Variants in NIPA2 observed in about 807,000 individuals in gnomAD.
NIPA2 encodes NIPA magnesium transporter 2, also known as magnesium transporter NIPA2.
NIPA2 carries 11 observed loss-of-function variants against 29.7 expected under a neutral mutation model. The observed-to-expected ratio is 0.37, with a 90% CI of 0.23 to 0.61. The LOEUF is 0.61. Ranked by LOEUF, NIPA2 falls within the 20% of genes least tolerant of loss-of-function variation. NIPA2 has a pLI of 0.66. For missense variants in NIPA2, 426 were observed against 437.9 expected (o/e 0.97, Z 0.24); for synonymous variants, 183 against 161.9 (o/e 1.13, Z -0.99).
rs1236487494 is a variant in NIPA2, at chr15:22,851,536, GC to G, written c.-93-102del. The G allele has an allele frequency of 2.1e-4, 78 of 369,482 alleles. 1 individual carries two copies. Among genetic ancestry groups the G allele is most frequent in the African/African-American group, 1.6e-3 (76 of 48,032 alleles). 22.9% of individuals were successfully genotyped at this position (369,482 alleles called of 1,614,324 possible). ...TATTATCAATATTAGTAATGAAGGA[GC>G]TATTTTTTCTTTAGGGGAAGAGAAA... On this transcript the variant is annotated intron_variant, in intron 3 of 7. Coordinates refer to ENST00000337451, the MANE Select transcript of NIPA2 (RefSeq NM_030922.7).
rs532308546 is a variant in NIPA2 at position 22,845,692 on chromosome 15, G to A, written c.-94+425G>A. On this transcript the variant is annotated intron_variant, in intron 3 of 7. Transcript: ENST00000337451. ...AGCAGGCTTTGGGTTGCAGGAGGAG[G>A]AGGAGGGGAGGGCCTGTCTGAGGGT... Among the ~76,000 whole-genome samples the A allele has an allele frequency of 3.3e-5, 5 of 152,214 alleles. No homozygotes were observed. The South Asian group carries it at 1.0e-3, about 32-fold the overall frequency.
intron 3 of NIPA2, among the ~76,000 whole-genome samples, chr15:22,848,216 C>T (rs1157559201): frequency 6.6e-6 from 1 of 152,076 alleles, no homozygotes; most frequent in Non-Finnish European, 1.5e-5. Flanking sequence ...CGGTTTCTCA[C>T]TCCCATTTTC....
chr15:22,866,901 C>T lies in NIPA2; in HGVS notation c.*54C>T. On this transcript the variant is annotated 3_prime_UTR_variant, in exon 8 of 8. Coordinates refer to ENST00000337451, the MANE Select transcript of NIPA2 (RefSeq NM_030922.7). ...ATTGTTATGAAGTGAATTTGAATAT[C>T]ATCAGAATGTGTCTGAAAAAACATT... 1 of 1,437,792 alleles carries T rather than the reference C, an allele frequency of 7.0e-7. No homozygotes were observed. The highest frequency in any genetic ancestry group is 9.4e-7 in the Non-Finnish European group (1 of 1,066,856). The allele number at this position is 1,437,792 out of a possible 1,614,324, so 89.1% of individuals were successfully genotyped here.
intron 3 of NIPA2, among the ~76,000 whole-genome samples, chr15:22,845,872 A>C (rs1898487306): frequency 6.6e-6 from 1 of 152,178 alleles, no homozygotes; most frequent in South Asian, 2.1e-4. Context: ...CATAAATTAA[A>C]ATAAAAGGGA....
At chr15:22,855,139 G>A (rs762729499) in intron 5 of NIPA2, among the ~76,000 whole-genome samples, 44 of 152,208 alleles carry the variant, frequency 2.9e-4, no homozygotes, top group Non-Finnish European at 4.7e-4. Flanking sequence ...TGGGCCGGGC[G>A]TGGTGGCTCA....
chr15:22,854,419 C>CTG (rs749667591), intron 5 of NIPA2, among the ~76,000 whole-genome samples: 5 of 150,930 alleles, frequency 3.3e-5, no homozygotes, highest in Non-Finnish European at 5.9e-5. Context: ...GCCACCGTGC[C>CTG]TGGCCTCTTA....
rs1303471638 is a variant in NIPA2, at chr15:22,866,712, C to T, written c.948C>T (p.Asp316=). ...LASLPVSFRK[D]EKAMNGNLSN... ...GTCTGCCTGTGTCTTTTCGAAAAGA[C>T]GAGAAAGCAATGAATGGCAATCTCT... is the stretch of plus-strand genomic sequence containing the variant. Residue 316 remains aspartate, a synonymous_variant, in exon 8 of 8, where the codon GAC becomes GAT. Coordinates refer to ENST00000337451, the MANE Select transcript of NIPA2 (RefSeq NM_030922.7). 1.4e-5 allele frequency: 23 copies of T among 1,613,836 alleles called. 1 individual carries two copies. The highest frequency in any genetic ancestry group is 2.2e-5 in the East Asian group (1 of 44,882).
In NIPA2 at chr15:22,853,232, C is replaced by T. The variant is rs138569107; in HGVS notation, c.160C>T (p.Leu54Phe). 1.2e-6 allele frequency: 2 copies of T among 1,610,896 alleles called. No homozygotes were observed. The highest frequency in any genetic ancestry group is 1.7e-6 in the Non-Finnish European group (2 of 1,177,468). Residue 54 changes from leucine to phenylalanine, a missense_variant, in exon 5 of 8, where the codon CTT becomes TTT. Physicochemically the swap from Leu to Phe is conservative, Grantham distance 22. Transcript: ENST00000337451. ...CACAGGTCAAGGTGGCCATGCATAT[C>T]TTAAGGAATGGTTGTGGTGGGCTGG... ...MRAGQGGHAY[L>F]KEWLWWAGLL... is the part of the protein sequence containing the mutation.
intron 3 of NIPA2, among the ~76,000 whole-genome samples, chr15:22,847,346 A>T (rs998692915): frequency 6.6e-6 from 1 of 152,250 alleles, no homozygotes; most frequent in Non-Finnish European, 1.5e-5. Flanking sequence ...CCATTACCAT[A>T]GAACTTAAAG....
chr15:22,847,829 A>G (rs1260554477), intron 3 of NIPA2, among the ~76,000 whole-genome samples: 4 of 151,478 alleles, frequency 2.6e-5, no homozygotes, highest in Non-Finnish European at 5.9e-5. Context: ...CAGAGTTTCT[A>G]TCTTGTTGCC....
chr15:22,862,220 G>A (rs1049690032), intron 7 of NIPA2, among the ~76,000 whole-genome samples: 2 of 151,496 alleles, frequency 1.3e-5, no homozygotes, highest in Non-Finnish European at 2.9e-5. Context: ...GCTAATTTTT[G>A]TATTTTTAGT....
chr15:22,841,634 G>A (rs1346176343), intron 2 of NIPA2, among the ~76,000 whole-genome samples: 1 of 151,970 alleles, frequency 6.6e-6, no homozygotes, highest in Non-Finnish European at 1.5e-5. Flanking sequence ...TCAGCCTCCC[G>A]AGTAGCTGGG....
chr15:22,866,549 C>T lies in NIPA2; in HGVS notation c.785C>T (p.Thr262Ile). Residue 262 changes from threonine to isoleucine, a missense_variant, in exon 8 of 8, where the codon ACT becomes ATT. Transcript: ENST00000337451. ...YYVFFTTSVL[T>I]CSAILFKEWQ... ...GTATTCTTTACAACATCAGTTTTAA[C>T]TTGTTCAGCTATTCTTTTTAAGGAG... 1 of 1,614,024 alleles carries T rather than the reference C, an allele frequency of 6.2e-7. No homozygotes were observed. The highest frequency in any genetic ancestry group is 8.5e-7 in the Non-Finnish European group (1 of 1,179,872).
At chr15:22,851,939 A>G (rs2057774254) in intron 4 of NIPA2, 69 bp downstream of exon 4, 1 of 1,313,730 alleles carries the variant, frequency 7.6e-7, no homozygotes, top group East Asian at 2.3e-5. Context: ...TCTTTGTACA[A>G]GACCACATCT....
rs1384496868 is a variant in NIPA2 at position 22,868,006 on chromosome 15, G to C, written c.*1159G>C. 1 of 152,254 alleles carries C rather than the reference G, an allele frequency of 6.6e-6. No homozygotes were observed. Among genetic ancestry groups the C allele is most frequent in the Non-Finnish European group, 1.5e-5 (1 of 68,056 alleles). 9.4% of individuals were successfully genotyped at this position (152,254 alleles called of 1,614,324 possible). On this transcript the variant is annotated 3_prime_UTR_variant, in exon 8 of 8. Coordinates refer to ENST00000337451, the MANE Select transcript of NIPA2 (RefSeq NM_030922.7). ...TATTGGCAGAATTAATTTCCACCTA[G>C]GTGATGGGAAGAAAGTGTTCGCCTG...
chr15:22,846,837 A>ATT (rs1898827882), intron 3 of NIPA2, among the ~76,000 whole-genome samples: 14,282 of 100,582 alleles, frequency 0.14, 983 homozygotes, highest in Admixed American at 0.27. Context: ...TAATAATAAT[A>ATT]ATAATTATTA....
At position 22,861,806 on chromosome 15, in the gene NIPA2, C is replaced by G. The variant is rs149522038; in HGVS notation, c.448+1017C>G. ...CTGGAATGCAGTGATGTGATCTCAG[C>G]TCACTGCAACCTCCTCCTCCCCAGC... is the stretch of plus-strand genomic sequence containing the variant. On this transcript the variant is annotated intron_variant, in intron 7 of 7. Transcript: ENST00000337451. Among the ~76,000 whole-genome samples, 580 of 152,222 alleles carry G rather than the reference C, an allele frequency of 3.8e-3. 7 individuals are homozygous for G. The highest frequency in any genetic ancestry group is 0.013 in the African/African-American group (536 of 41,514).
chr15:22,844,861 T>A lies in NIPA2; in HGVS notation c.-215-285T>A, dbSNP rs536762450. Among the ~76,000 whole-genome samples, 9 of 152,308 alleles carry A rather than the reference T, an allele frequency of 5.9e-5. No homozygotes were observed. In the South Asian group the frequency reaches 1.7e-3, roughly 28 times the overall value. On this transcript the variant is annotated intron_variant, in intron 2 of 7. Coordinates refer to ENST00000337451, the MANE Select transcript of NIPA2 (RefSeq NM_030922.7). Reference sequence around the variant, plus strand: ...AAGTGTTTAAAACGTCAGTAGGTTATTTTTGGAATTTTTAATTCTCTTAGT... The same window carrying A: ...AAGTGTTTAAAACGTCAGTAGGTTAATTTTGGAATTTTTAATTCTCTTAGT...
intron 5 of NIPA2, among the ~76,000 whole-genome samples, chr15:22,855,325 G>T (rs1240574295): frequency 6.6e-6 from 1 of 152,036 alleles, no homozygotes; most frequent in African/African-American, 2.4e-5. Context: ...GCTGAGGCAG[G>T]AGAATCGCTT....
Sources: allele counts gnomAD v4.1 joint callset (sites outside exome capture counted in the v4.1 genomes callset), GRCh38; gene constraint gnomAD v4.1.1; transcripts MANE v1.5; gene names NCBI Gene and HGNC (gene_info 2026-07-23, HGNC 2026-07-21).